NAV3: variants seen among roughly 807,000 people sequenced by gnomAD.
NAV3 encodes the protein neuron navigator 3.
NAV3 carries 87 observed loss-of-function variants against 244.7 expected under a neutral mutation model. That is an observed-to-expected ratio of 0.36 (90% CI 0.30 to 0.42). The LOEUF is 0.42. Ranked by LOEUF, NAV3 falls within the 20% of genes least tolerant of loss-of-function variation. The probability of loss-of-function intolerance (pLI) is 1.00; values close to 1 mark genes in which losing one functional copy is unlikely to be tolerated. For synonymous variants in NAV3, 1,126 were observed against 1,042.2 expected (o/e 1.08, Z -1.55); for missense variants, 2,663 against 2,893.3 (o/e 0.92, Z 1.83).
chr12:78,042,285 A>G (rs1880996929), intron 9 of NAV3, among the ~76,000 whole-genome samples: 1 of 152,200 alleles, frequency 6.6e-6, no homozygotes, highest in South Asian at 2.1e-4. Flanking sequence ...TGGTGATTGT[A>G]TCAGGCCAGC....
chr12:77,958,512 T>C (rs1387890295), intron 3 of NAV3, among the ~76,000 whole-genome samples: 2 of 152,206 alleles, frequency 1.3e-5, no homozygotes, highest in African/African-American at 2.4e-5. Context: ...GTTTAGTTTC[T>C]ATAATAAAGA....
chr12:77,614,222 C>T (rs989377255), intron 2 of NAV3, among the ~76,000 whole-genome samples: 1 of 151,730 alleles, frequency 6.6e-6, no homozygotes, highest in Non-Finnish European at 1.5e-5. Context: ...AGTAGCACAA[C>T]CCTCCCGGTA....
At chr12:78,164,794 A>G (rs549752557) in intron 23 of NAV3, among the ~76,000 whole-genome samples, 27 of 152,122 alleles carry the variant, frequency 1.8e-4, no homozygotes, top group African/African-American at 5.5e-4. Flanking sequence ...CTTAGTGCCA[A>G]TGTGAGGACC....
intron 2 of NAV3, among the ~76,000 whole-genome samples, chr12:77,727,704 G>A (rs140788264): frequency 1.3e-5 from 2 of 151,982 alleles, no homozygotes; most frequent in East Asian, 1.9e-4. Context: ...TTAAATCAAC[G>A]AGTCTGTGAG....
At chr12:77,858,277 A>G (rs902591946) in intron 1 of NAV3, among the ~76,000 whole-genome samples, 2 of 152,064 alleles carry the variant, frequency 1.3e-5, no homozygotes, top group Non-Finnish European at 2.9e-5. Context: ...AAAACATGAA[A>G]AGAAAATGAA....
chr12:77,888,996 C>A (rs2136713828), intron 1 of NAV3, among the ~76,000 whole-genome samples: 1 of 152,270 alleles, frequency 6.6e-6, no homozygotes, highest in African/African-American at 2.4e-5. Flanking sequence ...TCAATGCCCT[C>A]CAAACCTGCA....
rs955144777 is a variant in NAV3, at chr12:78,212,073, C to T, written c.*1556C>T. 6.6e-6 allele frequency: 1 copy of T among 152,558 alleles called. No homozygotes were observed. The highest frequency in any genetic ancestry group is 2.4e-5 in the African/African-American group (1 of 41,432). 9.5% of individuals were successfully genotyped at this position (152,558 alleles called of 1,614,324 possible). On this transcript the variant is annotated 3_prime_UTR_variant, in exon 40 of 40. Coordinates refer to ENST00000397909, the MANE Select transcript of NAV3 (RefSeq NM_001024383.2). ...ATCTGGTGTGTTTGTCCTGTATTTA[C>T]AGTTGTTTTTGACTATGCAGGAGCT...
intron 2 of NAV3, among the ~76,000 whole-genome samples, chr12:77,757,519 T>C (rs1195624164): frequency 6.6e-6 from 1 of 152,214 alleles, no homozygotes; most frequent in Non-Finnish European, 1.5e-5. Context: ...TTGTGTAAAC[T>C]TTAATATCAA....
chr12:77,735,324 T>G (rs1035319906), intron 2 of NAV3, among the ~76,000 whole-genome samples: 1 of 152,124 alleles, frequency 6.6e-6, no homozygotes, highest in African/African-American at 2.4e-5. Context: ...GTTTAATAAT[T>G]CTTAATTAGA....
At chr12:77,707,588 G>C (rs1374932451) in intron 2 of NAV3, among the ~76,000 whole-genome samples, 4 of 152,230 alleles carry the variant, frequency 2.6e-5, no homozygotes, top group African/African-American at 7.2e-5. Context: ...GTAATGGGAT[G>C]GCTGGGTCAA....
chr12:77,628,957 T>C (rs534303061), intron 2 of NAV3, among the ~76,000 whole-genome samples: 1 of 151,766 alleles, frequency 6.6e-6, no homozygotes, highest in African/African-American at 2.4e-5. Flanking sequence ...TTTTACAGAA[T>C]TACAAATTTC....
Position 77,705,703 on chromosome 12 carries a change from C to A in NAV3, c.72+133437C>A, listed in dbSNP as rs1875766319. ...CCCCGGGGGTCAAAGATGAATTCAG[C>A]CCCTCCAAAGTCACTTGAGCTTTCT... On this transcript the variant is annotated intron_variant, in intron 2 of 8. Coordinates refer to the NAV3 transcript ENST00000550042. Among the ~76,000 whole-genome samples the A allele has an allele frequency of 3.3e-5, 5 of 151,420 alleles. No homozygotes were observed. The South Asian group carries it at 1.0e-3, about 31-fold the overall frequency.
At chr12:77,897,958 G>A (rs1005467102) in intron 1 of NAV3, among the ~76,000 whole-genome samples, 1 of 152,140 alleles carries the variant, frequency 6.6e-6, no homozygotes, top group African/African-American at 2.4e-5. Flanking sequence ...ACTCACGCTG[G>A]ATGACTTTAG....
At chr12:78,122,739 G>T (rs1419730203) in intron 16 of NAV3, among the ~76,000 whole-genome samples, 1 of 151,966 alleles carries the variant, frequency 6.6e-6, no homozygotes. Context: ...TTAATGATTT[G>T]GCTTAAGCTT....
chr12:77,799,090 G>A (rs182872161), intron 2 of NAV3, among the ~76,000 whole-genome samples: 22 of 152,292 alleles, frequency 1.4e-4, no homozygotes, highest in African/African-American at 5.1e-4. Flanking sequence ...GTCTATAGCA[G>A]CCTATCTTGA....
At chr12:77,735,108 CATG>C in intron 2 of NAV3, among the ~76,000 whole-genome samples, 1 of 152,128 alleles carries the variant, frequency 6.6e-6, no homozygotes, top group East Asian at 1.9e-4. Flanking sequence ...ATATCAAGGA[CATG>C]ATATTGCTCA....
At chr12:78,172,675 G>A (rs1958053530) in intron 24 of NAV3, among the ~76,000 whole-genome samples, 1 of 151,532 alleles carries the variant, frequency 6.6e-6, no homozygotes, top group Admixed American at 6.6e-5. Flanking sequence ...TACTGAGGGA[G>A]GAGTATTTCA....
chr12:78,142,556 A>G (rs998003013), intron 20 of NAV3, among the ~76,000 whole-genome samples: 1 of 150,994 alleles, frequency 6.6e-6, no homozygotes, highest in African/African-American at 2.4e-5. Context: ...ACATTTGTAG[A>G]TAGGAGTGGG....
intron 1 of NAV3, among the ~76,000 whole-genome samples, chr12:77,894,979 C>T (rs762920347): frequency 2.0e-5 from 3 of 152,144 alleles, no homozygotes; most frequent in Non-Finnish European, 4.4e-5. Context: ...GATATTCCTC[C>T]GGTATCCCTA....
Sources: gnomAD v4.1 joint callset for allele counts (sites outside exome capture counted in the v4.1 genomes callset) on GRCh38, gnomAD v4.1.1 for gene constraint, MANE v1.5 for transcripts, NCBI Gene and HGNC (gene_info 2026-07-23, HGNC 2026-07-21) for gene names.